TMEFF1: variants seen among roughly 807,000 people sequenced by gnomAD.
TMEFF1 encodes transmembrane protein with EGF like and two follistatin like domains 1, also known as tomoregulin-1.
A neutral mutation model predicts 47.5 loss-of-function variants in TMEFF1; 20 were observed. The observed-to-expected ratio is 0.42, with a 90% CI of 0.30 to 0.61. The LOEUF is 0.61. TMEFF1 is among the 20% of genes least tolerant of loss of function. The probability of loss-of-function intolerance (pLI) is 0.19; values close to 1 mark genes in which losing one functional copy is unlikely to be tolerated. For missense variants in TMEFF1, 411 were observed against 471.1 expected (o/e 0.87, Z 1.18); for synonymous variants, 162 against 166.3 (o/e 0.97, Z 0.20).
chr9:100,498,706 GAC>G (rs929237366), intron 1 of TMEFF1, 57 bp from the exon 2 acceptor site: 13 of 1,522,440 alleles, frequency 8.5e-6, no homozygotes, highest in South Asian at 5.7e-5. Context: ...CACGCGCACA[GAC>G]ACACACACGT....
chr9:100,561,381 T>C lies in TMEFF1; in HGVS notation c.776-16T>C, dbSNP rs770147528. On this transcript the variant is annotated splice_polypyrimidine_tract_variant and intron_variant, in intron 7 of 9. Transcript: ENST00000374879. The stretch of plus-strand genomic sequence containing the variant: ...TGCGTTTCATTGTTGAACGATCTGG[T>C]TTATGTTCTTTTAAGATGCTAGTGA... The C allele has an allele frequency of 1.2e-6, 2 of 1,609,430 alleles. No homozygotes were observed. The highest frequency in any genetic ancestry group is 1.7e-6 in the Non-Finnish European group (2 of 1,178,448).
chr9:100,496,096 C>T (rs775519452), intron 1 of TMEFF1, among the ~76,000 whole-genome samples: 8 of 152,330 alleles, frequency 5.3e-5, no homozygotes, highest in South Asian at 2.1e-4. Flanking sequence ...CTTATCACTT[C>T]GTTTTTAGTG....
intron 1 of TMEFF1, among the ~76,000 whole-genome samples, chr9:100,497,576 G>C (rs1208043067): frequency 1.3e-5 from 2 of 152,060 alleles, no homozygotes; most frequent in Non-Finnish European, 2.9e-5. Flanking sequence ...GGGTGAGCTA[G>C]GAGTAGGAGA....
chr9:100,521,556 AC>A (rs1838160323), intron 5 of TMEFF1, among the ~76,000 whole-genome samples: 2 of 152,134 alleles, frequency 1.3e-5, no homozygotes, highest in South Asian at 4.1e-4. Context: ...ACACCCCCTC[AC>A]TTTCTAAACA....
chr9:100,552,142 G>T (rs1245927389), intron 7 of TMEFF1, among the ~76,000 whole-genome samples: 1 of 152,216 alleles, frequency 6.6e-6, no homozygotes, highest in Non-Finnish European at 1.5e-5. Flanking sequence ...ATTGTGTAGA[G>T]TGTTGAATGC....
intron 5 of TMEFF1, among the ~76,000 whole-genome samples, chr9:100,527,695 C>G (rs367692021): frequency 6.8e-4 from 104 of 152,220 alleles, no homozygotes; most frequent in African/African-American, 2.4e-3. Context: ...GGCTTGCTTA[C>G]GTAAACAAAG....
At chr9:100,482,933 G>T (rs1837368195) in intron 1 of TMEFF1, among the ~76,000 whole-genome samples, 1 of 151,788 alleles carries the variant, frequency 6.6e-6, no homozygotes, top group African/African-American at 2.4e-5. Flanking sequence ...TGCTATCTCT[G>T]ATTATACCAT....
At chr9:100,529,790 AT>A (rs963727438) in intron 5 of TMEFF1, among the ~76,000 whole-genome samples, 3 of 152,162 alleles carry the variant, frequency 2.0e-5, no homozygotes, top group South Asian at 2.1e-4. Flanking sequence ...CAGAATATAC[AT>A]TTTTTTCAGC....
rs1369171177 is a variant in TMEFF1 at position 100,473,714 on chromosome 9, G to C, written c.170G>C (p.Gly57Ala). Residue 57 changes from glycine to alanine, a missense_variant, in exon 1 of 10, where the codon GGC becomes GCC. By Grantham distance (60) the Gly-to-Ala change is moderately conservative. Transcript: ENST00000374879. The surrounding 1 kb of genome is among the most constrained non-coding windows in gnomAD (Gnocchi z 5.4). ...GGGSGGDCPGGKGKSINCSEL... is the reference protein window; with the variant it reads ...GGGSGGDCPGAKGKSINCSEL... ...GGCAGCGGCGGGGACTGTCCCGGCG[G>C]CAAAGGCAAGAGCATCAACTGCTCA... 3 of 1,530,730 alleles carry C rather than the reference G, an allele frequency of 2.0e-6. No homozygotes were observed. Among genetic ancestry groups the C allele is most frequent in the Non-Finnish European group, 2.6e-6 (3 of 1,137,884 alleles). The allele number at this position is 1,530,730 out of a possible 1,614,324, so 94.8% of individuals were successfully genotyped here. A position where few individuals can be genotyped will look rare whatever the true frequency, so the allele number is the denominator to read the frequency against.
chr9:100,549,549 CTA>C (rs1838795858), intron 6 of TMEFF1, among the ~76,000 whole-genome samples: 1 of 152,198 alleles, frequency 6.6e-6, no homozygotes, highest in South Asian at 2.1e-4. Context: ...ACAAACCTAA[CTA>C]TGTCTTTCGT....
rs77759339 is a variant in TMEFF1, at chr9:100,525,774, T to C, written c.560+9003T>C. Among the ~76,000 whole-genome samples, 953 of 152,226 alleles carry C rather than the reference T, an allele frequency of 6.3e-3. 10 individuals are homozygous for C. Among genetic ancestry groups the C allele is most frequent in the African/African-American group, 0.022 (896 of 41,542 alleles). On this transcript the variant is annotated intron_variant, in intron 5 of 9. Coordinates refer to ENST00000374879, the MANE Select transcript of TMEFF1 (RefSeq NM_003692.5). ...ATTAACTCCCTGCCCCCTCACCCCA[T>C]GAGTCATCTCACTAGAATATAAGAA...
Position 100,577,052 on chromosome 9 carries a change from T to G in TMEFF1, c.*452T>G, listed in dbSNP as rs1239289005. On this transcript the variant is annotated 3_prime_UTR_variant, in exon 10 of 10. Transcript: ENST00000374879. Reference sequence around the variant, plus strand: ...ATGTTTTTGAGATTTAGTAACTGATTTTTTAGACACTGCCTATCGCATGAA... The same window carrying G: ...ATGTTTTTGAGATTTAGTAACTGATGTTTTAGACACTGCCTATCGCATGAA... 1 of 154,320 alleles carries G rather than the reference T, an allele frequency of 6.5e-6. No individual in the cohort carries two copies. The highest frequency in any genetic ancestry group is 2.0e-4 in the South Asian group (1 of 4,954). The allele number at this position is 154,320 out of a possible 1,614,324, so 9.6% of individuals were successfully genotyped here.
chr9:100,540,423 C>A (rs886952871), intron 5 of TMEFF1, among the ~76,000 whole-genome samples: 4 of 152,378 alleles, frequency 2.6e-5, no homozygotes, highest in Admixed American at 2.6e-4. Flanking sequence ...AGCCTGGGCA[C>A]TCTGGCAGCC....
chr9:100,572,564 A>G lies in TMEFF1; in HGVS notation c.946A>G (p.Ser316Gly). 1 of 1,613,442 alleles carries G rather than the reference A, an allele frequency of 6.2e-7. No individual in the cohort carries two copies. Among genetic ancestry groups the G allele is most frequent in the South Asian group, 1.1e-5 (1 of 91,022 alleles). The change falls in exon 9 of 10, where the codon AGT becomes GGT. Residue 316 changes from serine to glycine, a missense_variant. Coordinates refer to ENST00000374879, the MANE Select transcript of TMEFF1 (RefSeq NM_003692.5). ...ACAGCACTGTGAAAAGACAGACTTT[A>G]GTATTCTCTATGTAGTGCCAAGTAG... is the stretch of plus-strand genomic sequence containing the variant. ...TGQHCEKTDF[S>G]ILYVVPSRQK... is the part of the protein sequence containing the mutation.
At chr9:100,516,982 A>G (rs1838086103) in intron 5 of TMEFF1, among the ~76,000 whole-genome samples, 3 of 152,092 alleles carry the variant, frequency 2.0e-5, no homozygotes, top group Admixed American at 2.0e-4. Context: ...ATGATAATCC[A>G]TTTATAGTTT....
intron 5 of TMEFF1, among the ~76,000 whole-genome samples, chr9:100,544,642 C>T (rs1409387808): frequency 1.3e-5 from 2 of 152,234 alleles, no homozygotes; most frequent in African/African-American, 4.8e-5. Context: ...CAAAACCAAT[C>T]ATGCCTTCTC....
rs756010236 is a variant in TMEFF1, at chr9:100,482,588, G to A, written c.196+8848G>A. ...GTCAGTGCTGTCTAGTGAGGCATGA[G>A]CTCTTTACTTTGCCCAGTCCTCAAC... is the stretch of plus-strand genomic sequence containing the variant. On this transcript the variant is annotated intron_variant, in intron 1 of 9. Coordinates refer to ENST00000374879, the MANE Select transcript of TMEFF1 (RefSeq NM_003692.5). Among the ~76,000 whole-genome samples the A allele has an allele frequency of 7.4e-4, 113 of 152,242 alleles. 2 individuals are homozygous for A. In the Middle Eastern group the frequency reaches 0.017, roughly 23 times the overall value.
At chr9:100,531,263 A>C (rs1385450381) in intron 5 of TMEFF1, among the ~76,000 whole-genome samples, 2 of 152,192 alleles carry the variant, frequency 1.3e-5, no homozygotes, top group African/African-American at 4.8e-5. Context: ...AAGAAAATAA[A>C]GGGTATTCAA....
intron 1 of TMEFF1, among the ~76,000 whole-genome samples, chr9:100,478,612 T>G (rs1456225091): frequency 6.6e-6 from 1 of 152,232 alleles, no homozygotes; most frequent in African/African-American, 2.4e-5. Context: ...AAAGAAAAAC[T>G]TCGATTTTAT....
Sources: allele counts gnomAD v4.1 joint callset (sites outside exome capture counted in the v4.1 genomes callset), GRCh38; gene constraint gnomAD v4.1.1; non-coding constraint Gnocchi (gnomAD v3.1); transcripts MANE v1.5; gene names NCBI Gene and HGNC (gene_info 2026-07-23, HGNC 2026-07-21).